Variants in ZNF618 observed in about 807,000 individuals in gnomAD.
The protein encoded by ZNF618 is neural precursor cell expressed, developmentally down-regulated 10.
In ZNF618, 34 loss-of-function variants were observed where a neutral mutation model predicts 103.0. That is an observed-to-expected ratio of 0.33 (90% confidence interval 0.25 to 0.44). The LOEUF is 0.44. Ranked by LOEUF, ZNF618 falls within the 20% of genes least tolerant of loss-of-function variation. The probability of loss-of-function intolerance (pLI) is 1.00; values close to 1 mark genes in which losing one functional copy is unlikely to be tolerated. For synonymous variants in ZNF618, 551 were observed against 542.2 expected, an observed-to-expected ratio of 1.02 and a Z score of -0.23; for missense variants, 1,059 against 1,295.4, an observed-to-expected ratio of 0.82 and a Z score of 2.80.
chr9:114,036,607 C>T (rs1844638813), intron 13 of ZNF618, among the ~76,000 whole-genome samples: 1 of 152,172 alleles, frequency 6.6e-6, no homozygotes, highest in South Asian at 2.1e-4. Context: ...TGTGGGAACA[C>T]GGAGAGGTGG....
At chr9:113,920,935 C>T (rs955966732) in intron 1 of ZNF618, among the ~76,000 whole-genome samples, 1 of 152,198 alleles carries the variant, frequency 6.6e-6, no homozygotes, top group African/African-American at 2.4e-5. Context: ...GGTGACAGTG[C>T]TACCTGGGTA....
At chr9:113,964,549 A>AT in intron 1 of ZNF618, among the ~76,000 whole-genome samples, 1 of 152,166 alleles carries the variant, frequency 6.6e-6, no homozygotes, top group South Asian at 2.1e-4. Context: ...TAAAAAAAAA[A>AT]ATGCCATTTT....
Position 113,895,167 on chromosome 9 carries a change from C to T in ZNF618, c.33+18754C>T, listed in dbSNP as rs565238575. On this transcript the variant is annotated intron_variant, in intron 1 of 14. Coordinates refer to ENST00000374126, the MANE Select transcript of ZNF618 (RefSeq NM_001318042.2). ...TTTGTGAAGATGGAGGTGAGTGATA[C>T]GATAGAGGAGTGATTTTCAATTTTC... Among the ~76,000 whole-genome samples the T allele has an allele frequency of 8.6e-5, 13 of 151,524 alleles. No individual in the cohort carries two copies. The South Asian group carries it at 2.5e-3, about 29-fold the overall frequency.
At chr9:113,986,838 A>G (rs1163728504) in intron 2 of ZNF618, among the ~76,000 whole-genome samples, 1 of 152,206 alleles carries the variant, frequency 6.6e-6, no homozygotes, top group Non-Finnish European at 1.5e-5. Context: ...ACCTTGGATG[A>G]AAGCTGAAGC....
chr9:113,920,126 G>A (rs1049858053), intron 1 of ZNF618, among the ~76,000 whole-genome samples: 2 of 152,186 alleles, frequency 1.3e-5, no homozygotes, highest in Non-Finnish European at 2.9e-5. Flanking sequence ...GGTATCCCAA[G>A]TTCATTCTCC....
At position 114,049,446 on chromosome 9, in the gene ZNF618, A is replaced by G. The variant is rs1845950383; in HGVS notation, c.2144A>G (p.Tyr715Cys). The change falls in exon 15 of 15, where the codon TAC (tyrosine) becomes TGC (cysteine). Residue 715 changes from tyrosine (Y) to cysteine (C), a missense_variant. This residue lies in a region of ZNF618 where 272 missense variants were observed against 380.1 expected (regional missense o/e 0.72). Coordinates refer to ENST00000374126, the MANE Select transcript of ZNF618 (RefSeq NM_001318042.2). ...HERYEQICEFYSRAKKMNLIQ... is the reference protein window; with the variant it reads ...HERYEQICEFCSRAKKMNLIQ... ...CGCTATGAGCAGATCTGCGAGTTCT[A>G]CAGCCGGGCCAAGAAGATGAACCTC... 3 of 1,607,988 alleles carry G rather than the reference A, an allele frequency of 1.9e-6. No individual in the cohort carries two copies. Among genetic ancestry groups the G allele is most frequent in the Non-Finnish European group, 1.7e-6 (2 of 1,177,200 alleles).
intron 13 of ZNF618, among the ~76,000 whole-genome samples, chr9:114,042,194 G>A (rs1443817751): frequency 2.0e-5 from 3 of 152,162 alleles, no homozygotes; most frequent in Admixed American, 1.3e-4. Context: ...GTAAAGAATC[G>A]ACCATAATTT....
rs190280360 is a variant in ZNF618, at chr9:113,893,568, C to T, written c.33+17155C>T. ...GTCATAAAGTATTAAGAATTTTGTT[C>T]CTGCCTTTTCCTTCCCCTATCTTCT... On this transcript the variant is annotated intron_variant, in intron 1 of 14. Coordinates refer to ENST00000374126, the MANE Select transcript of ZNF618 (RefSeq NM_001318042.2). Among the ~76,000 whole-genome samples the T allele has an allele frequency of 7.4e-4, 112 of 152,054 alleles. No homozygotes were observed. The Middle Eastern group carries it at 0.014, about 18-fold the overall frequency.
At chr9:114,004,866 A>G (rs1841594619) in intron 6 of ZNF618, among the ~76,000 whole-genome samples, 1 of 152,248 alleles carries the variant, frequency 6.6e-6, no homozygotes, top group South Asian at 2.1e-4. Flanking sequence ...GGTCTCACAC[A>G]TTCTATTAAC....
intron 12 of ZNF618, among the ~76,000 whole-genome samples, chr9:114,033,558 C>T (rs1420488088): frequency 6.6e-6 from 1 of 152,128 alleles, no homozygotes; most frequent in Non-Finnish European, 1.5e-5. Context: ...CCCCTGACGC[C>T]TGCCTCTTCC....
chr9:114,044,089 T>C (rs1289000336), intron 13 of ZNF618, among the ~76,000 whole-genome samples: 1 of 152,220 alleles, frequency 6.6e-6, no homozygotes, highest in Non-Finnish European at 1.5e-5. Context: ...GTGCATTTGC[T>C]TTGGTGTTCT....
intron 1 of ZNF618, among the ~76,000 whole-genome samples, chr9:113,959,235 C>T (rs895896728): frequency 5.9e-5 from 9 of 151,642 alleles, no homozygotes; most frequent in African/African-American, 1.9e-4. Context: ...TGCGGTGAGC[C>T]GAGATTGCGC....
intron 1 of ZNF618, among the ~76,000 whole-genome samples, chr9:113,877,319 G>A (rs1287299136): frequency 6.6e-6 from 1 of 152,164 alleles, no homozygotes. Context: ...AAATTGTTGA[G>A]TTTAGGGAAA....
At chr9:113,966,556 G>A (rs750283212) in intron 1 of ZNF618, among the ~76,000 whole-genome samples, 13 of 152,276 alleles carry the variant, frequency 8.5e-5, no homozygotes, top group African/African-American at 1.9e-4. Flanking sequence ...AGACCACACC[G>A]GCCTGGCGTG....
Position 114,008,542 on chromosome 9 carries a change from A to G in ZNF618, c.742A>G (p.Lys248Glu). ...GGAGGAGCCCCCGGAGCCATTCCAG[A>G]AAATCGGGCCAAGTATGCGGGATTC... ...VKEEPPEPFQKIGPKTGNYTC... is the reference protein window; with the variant it reads ...VKEEPPEPFQEIGPKTGNYTC... The change falls in exon 9 of 15, where the codon AAA becomes GAA. Residue 248 changes from lysine (K) to glutamate (E), a missense_variant. Lys to Glu is a moderately conservative substitution (Grantham distance 56). This residue lies in a region of ZNF618 where 434 missense variants were observed against 476.0 expected (regional missense o/e 0.91). Coordinates refer to ENST00000374126, the MANE Select transcript of ZNF618 (RefSeq NM_001318042.2). 1 of 1,613,980 alleles carries G rather than the reference A, an allele frequency of 6.2e-7. No homozygotes were observed. Among genetic ancestry groups the G allele is most frequent in the Non-Finnish European group, 8.5e-7 (1 of 1,179,874 alleles).
chr9:113,876,577 C>A (rs1382695108), intron 1 of ZNF618, among the ~76,000 whole-genome samples, 164 bp downstream of exon 1: 1 of 151,630 alleles, frequency 6.6e-6, no homozygotes, highest in Non-Finnish European at 1.5e-5. Context: ...CGGAGAGCAC[C>A]CCCCCGGGCG....
At chr9:114,000,191 C>T (rs1333285965) in intron 4 of ZNF618, among the ~76,000 whole-genome samples, 1 of 152,090 alleles carries the variant, frequency 6.6e-6, no homozygotes, top group African/African-American at 2.4e-5. Flanking sequence ...CCAGTGGCAC[C>T]GGCTCCTGTT....
Position 113,889,317 on chromosome 9 carries a change from A to ATCTCTCTCTC in ZNF618, c.33+12924_33+12933dup, listed in dbSNP as rs10627696. Among the ~76,000 whole-genome samples, 1,154 of 139,310 alleles carry ATCTCTCTCTC rather than the reference A, an allele frequency of 8.3e-3. 12 individuals carry two copies. Among genetic ancestry groups the ATCTCTCTCTC allele is most frequent in the African/African-American group, 0.013 (478 of 38,232 alleles). 91.4% of individuals were successfully genotyped at this position (139,310 alleles called of 152,430 possible). A position where few individuals can be genotyped will look rare whatever the true frequency, so the allele number is the denominator to read the frequency against. On this transcript the variant is annotated intron_variant, in intron 1 of 14. Coordinates refer to ENST00000374126, the MANE Select transcript of ZNF618 (RefSeq NM_001318042.2). Reference sequence around the variant, plus strand: ...TCCTTGGCCCTGTCTCCCCGCTACCATCTCTCTCTCTCTCTCTCTCTCTCT... The same window carrying ATCTCTCTCTC: ...TCCTTGGCCCTGTCTCCCCGCTACCATCTCTCTCTCTCTCTCTCTCTCTCTCTCTCTCTCT...
Position 114,028,930 on chromosome 9 carries a change from C to T in ZNF618, c.1042C>T (p.Arg348Cys), listed in dbSNP as rs754708522. The T allele has an allele frequency of 2.8e-5, 43 of 1,550,684 alleles. No homozygotes were observed. The highest frequency in any genetic ancestry group is 5.9e-5 in the Admixed American group (3 of 50,994). ...TCCAGCCACCCAAACCCAGACGTTC[C>T]GCACTCCAAATTCGGGATCTCCGGC... ...TPPATQTQTF[R>C]TPNSGSPASK... is the part of the protein sequence containing the mutation. Residue 348 changes from arginine (R) to cysteine (C), a missense_variant, in exon 11 of 15, where the codon CGC becomes TGC. Arg to Cys is a radical substitution (Grantham distance 180). This residue lies in a region of ZNF618 where 434 missense variants were observed against 476.0 expected (regional missense o/e 0.91). Coordinates refer to ENST00000374126, the MANE Select transcript of ZNF618 (RefSeq NM_001318042.2).
Sources: gnomAD v4.1 joint callset for allele counts (sites outside exome capture counted in the v4.1 genomes callset) on GRCh38, gnomAD v4.1.1 for gene constraint, gnomAD v4.1.1 regional missense constraint, MANE v1.5 for transcripts, NCBI Gene and HGNC (gene_info 2026-07-23, HGNC 2026-07-21) for gene names.